DOCK10: variants seen among roughly 807,000 people sequenced by gnomAD.
DOCK10 encodes dedicator of cytokinesis 10, also known as dedicator of cytokinesis protein 10.
In DOCK10, 145 loss-of-function variants were observed where a neutral mutation model predicts 280.1. The observed-to-expected ratio is 0.52, with a 90% confidence interval of 0.45 to 0.59. The LOEUF (loss-of-function observed/expected upper bound fraction) is 0.59. DOCK10 is among the 20% of genes least tolerant of loss of function. The pLI is 0.00. For missense variants in DOCK10, 2,368 were observed against 2,651.7 expected (o/e 0.89, Z 2.35); for synonymous variants, 915 against 942.2 (o/e 0.97, Z 0.53).
intron 25 of DOCK10, among the ~76,000 whole-genome samples, chr2:224,836,744 C>T (rs1194268672): frequency 2.6e-5 from 4 of 151,966 alleles, no homozygotes; most frequent in Non-Finnish European, 4.4e-5. Flanking sequence ...GGACTACAGG[C>T]GCCCACCACC....
chr2:225,015,508 T>C (rs1689565310), intron 1 of DOCK10, among the ~76,000 whole-genome samples: 1 of 152,218 alleles, frequency 6.6e-6, no homozygotes, highest in African/African-American at 2.4e-5. Context: ...TAGACTAATC[T>C]GGAGTTGGAG....
chr2:224,956,137 T>A (rs1488080559), intron 1 of DOCK10, among the ~76,000 whole-genome samples: 1 of 152,212 alleles, frequency 6.6e-6, no homozygotes, highest in Non-Finnish European at 1.5e-5. Context: ...GATTTCTTCA[T>A]ACAAGCACTG....
At chr2:224,787,161 A>G (rs773961236) in intron 49 of DOCK10, 26 bp from the exon 50 acceptor site, 11 of 1,607,926 alleles carry the variant, frequency 6.8e-6, no homozygotes, top group Non-Finnish European at 8.5e-6. Flanking sequence ...AAAGAGTTTC[A>G]TGAAGATGAT....
At chr2:224,821,841 CT>C (rs1301321478) in intron 28 of DOCK10, among the ~76,000 whole-genome samples, 1 of 152,248 alleles carries the variant, frequency 6.6e-6, no homozygotes, top group East Asian at 1.9e-4. Context: ...ACTACAGTAA[CT>C]TTTCCCCCCT....
chr2:224,870,993 A>AT (rs769110064), intron 11 of DOCK10, among the ~76,000 whole-genome samples: 147 of 151,702 alleles, frequency 9.7e-4, no homozygotes, highest in Middle Eastern at 6.8e-3. Context: ...TGTACAGCTA[A>AT]TTTTTGTATT....
intron 3 of DOCK10, among the ~76,000 whole-genome samples, chr2:224,915,932 T>C (rs764995337): frequency 1.5e-4 from 23 of 152,252 alleles, no homozygotes; most frequent in Non-Finnish European, 3.2e-4. Context: ...TATCAGTCCC[T>C]GATGTAGTTT....
chr2:224,980,724 G>C (rs1705700838), intron 1 of DOCK10, among the ~76,000 whole-genome samples: 1 of 152,170 alleles, frequency 6.6e-6, no homozygotes, highest in Admixed American at 6.6e-5. Context: ...AAATACACTG[G>C]CTTTTGGAAT....
intron 7 of DOCK10, among the ~76,000 whole-genome samples, chr2:224,882,852 A>T (rs1017217076): frequency 6.6e-6 from 1 of 152,130 alleles, no homozygotes; most frequent in Non-Finnish European, 1.5e-5. Flanking sequence ...GCACTATTTC[A>T]CTCAAATTCT....
intron 22 of DOCK10, among the ~76,000 whole-genome samples, chr2:224,843,758 G>A (rs966362020): frequency 6.6e-6 from 1 of 152,160 alleles, no homozygotes; most frequent in African/African-American, 2.4e-5. Context: ...AACTCACATT[G>A]TGGTAAAATA....
In DOCK10 at chr2:224,830,605, C is replaced by A. The variant is rs1286271638; in HGVS notation, c.2972G>T (p.Trp991Leu). 1 of 1,522,964 alleles carries A rather than the reference C, an allele frequency of 6.6e-7. No homozygotes were observed. The highest frequency in any genetic ancestry group is 8.9e-7 in the Non-Finnish European group (1 of 1,129,610). The allele number at this position is 1,522,964 out of a possible 1,614,324, so 94.3% of individuals were successfully genotyped here. Residue 991 changes from tryptophan to leucine, a missense_variant, in exon 27 of 56, where the codon TGG becomes TTG. This residue lies in a region of DOCK10 where 1,209 missense variants were observed against 1,250.9 expected (regional missense o/e 0.97). Coordinates refer to ENST00000258390, the MANE Select transcript of DOCK10 (RefSeq NM_014689.3). ...TTTTAGGATAATTGCAAAGAAGAAC[C>A]AGGAATGCTGTTGGGAAAAAAAAGG... ...TTVKHVLKHSWFFFAIILKSM... is the reference protein window; with the variant it reads ...TTVKHVLKHSLFFFAIILKSM...
At chr2:224,924,219 T>C (rs1701933880) in intron 2 of DOCK10, among the ~76,000 whole-genome samples, 1 of 152,236 alleles carries the variant, frequency 6.6e-6, no homozygotes, top group Non-Finnish European at 1.5e-5. Context: ...TGATCTGTCA[T>C]AAAATTTATC....
chr2:224,808,152 A>T lies in DOCK10; in HGVS notation c.3410-66T>A. 6 of 1,425,914 alleles carry T rather than the reference A, an allele frequency of 4.2e-6. No homozygotes were observed. In the South Asian group the frequency reaches 6.7e-5, roughly 16 times the overall value. 88.3% of individuals were successfully genotyped at this position (1,425,914 alleles called of 1,614,324 possible). A position where few individuals can be genotyped will look rare whatever the true frequency, so the allele number is the denominator to read the frequency against. On this transcript the variant is annotated intron_variant, in intron 31 of 55. Coordinates refer to ENST00000258390, the MANE Select transcript of DOCK10 (RefSeq NM_014689.3). ...AATGATCACTTTATAATTGAGACAG[A>T]TATACCAAACAACTACCATCAACTT...
At chr2:225,028,046 A>C (rs1371110880) in intron 1 of DOCK10, among the ~76,000 whole-genome samples, 2 of 152,156 alleles carry the variant, frequency 1.3e-5, no homozygotes, top group African/African-American at 4.8e-5. Context: ...GCATTTTTAT[A>C]ATAGGCCCCA....
intron 1 of DOCK10, among the ~76,000 whole-genome samples, chr2:225,034,804 A>T (rs1478787658): frequency 6.6e-6 from 1 of 152,202 alleles, no homozygotes; most frequent in Non-Finnish European, 1.5e-5. Context: ...CTATGAAGAC[A>T]ACTAAGCCTA....
chr2:224,789,245 A>T (rs1044430419), intron 47 of DOCK10, 75 bp from the exon 48 acceptor site: 8 of 852,802 alleles, frequency 9.4e-6, no homozygotes, highest in African/African-American at 6.7e-5. Context: ...GCCTTTCTTC[A>T]TGATGTTACC....
chr2:224,852,534 T>A, intron 17 of DOCK10, 92 bp from the exon 18 acceptor site: 1 of 963,994 alleles, frequency 1.0e-6, no homozygotes, highest in Admixed American at 2.4e-5. Flanking sequence ...TTCTAATTAA[T>A]CCAAAAAATG....
chr2:224,972,763 C>A (rs1357917919), intron 1 of DOCK10, among the ~76,000 whole-genome samples: 1 of 152,042 alleles, frequency 6.6e-6, no homozygotes, highest in Non-Finnish European at 1.5e-5. Flanking sequence ...TTGAGAATGA[C>A]AAAGTTGAAA....
At chr2:224,952,881 C>T (rs966593226) in intron 1 of DOCK10, among the ~76,000 whole-genome samples, 1 of 152,136 alleles carries the variant, frequency 6.6e-6, no homozygotes, top group Non-Finnish European at 1.5e-5. Flanking sequence ...CGTGAGCCAC[C>T]GCGCCCGGCC....
In DOCK10 at chr2:224,957,293, C is replaced by CG. The variant is rs1553622584; in HGVS notation, c.124-25626_124-25625insC. 1.4e-4 allele frequency among the ~76,000 whole-genome samples: 20 copies of CG among 144,620 alleles called. 2 individuals are homozygous for CG. The highest frequency in any genetic ancestry group is 8.5e-4 in the South Asian group (4 of 4,708). The allele number at this position is 144,620 out of a possible 152,430, so 94.9% of individuals were successfully genotyped here. ...TTTAGTTTTTACTTTCCGCCCCCCCCCGGCTTTGTTTTTCGGAGATGGGGT... is the reference window on the plus strand; with the variant it reads ...TTTAGTTTTTACTTTCCGCCCCCCCCGCGGCTTTGTTTTTCGGAGATGGGGT... On this transcript the variant is annotated intron_variant, in intron 1 of 55. Coordinates refer to ENST00000258390, the MANE Select transcript of DOCK10 (RefSeq NM_014689.3).
Sources: allele counts gnomAD v4.1 joint callset (sites outside exome capture counted in the v4.1 genomes callset), GRCh38; gene constraint gnomAD v4.1.1; regional missense constraint gnomAD v4.1.1; transcripts MANE v1.5; gene names NCBI Gene and HGNC (gene_info 2026-07-23, HGNC 2026-07-21).